The following TG variants were observed in gnomAD, a reference collection of about 807,000 sequenced individuals.
The protein encoded by TG is thyroid hormones.
In TG, 270 loss-of-function variants were observed where a neutral mutation model predicts 324.7. The observed-to-expected ratio is 0.83, with a 90% CI of 0.75 to 0.92. TG has a LOEUF of 0.92. Among genes scored for constraint, TG ranks in the 40% least tolerant of loss-of-function variants. The pLI, the probability that TG is intolerant of heterozygous loss-of-function variation, is 0.00. For missense variants in TG, 3,591 were observed against 3,456.4 expected (o/e 1.04, Z -0.98); for synonymous variants, 1,401 against 1,327.0 (o/e 1.06, Z -1.21).
intron 35 of TG, among the ~76,000 whole-genome samples, chr8:132,986,384 GTATATATGTGTA>G (rs1239032893): frequency 1.9e-5 from 2 of 103,900 alleles, no homozygotes; most frequent in East Asian, 4.1e-4. Flanking sequence ...ATATATGTGT[GTATATATGTGTA>G]TATATATGTA....
chr8:133,115,342 G>A (rs1037280528), intron 44 of TG, among the ~76,000 whole-genome samples: 1 of 152,072 alleles, frequency 6.6e-6, no homozygotes, highest in African/African-American at 2.4e-5. Flanking sequence ...TGTCCCACCC[G>A]AGGCCTGCCA....
At chr8:133,036,095 A>G (rs1837092520) in intron 41 of TG, among the ~76,000 whole-genome samples, 1 of 152,012 alleles carries the variant, frequency 6.6e-6, no homozygotes, top group Non-Finnish European at 1.5e-5. Flanking sequence ...TTGCCCCATT[A>G]TTCCTGCTGA....
In TG at chr8:132,966,693, T is replaced by C; in HGVS notation, c.5682T>C (p.Leu1894=). ...FSAQQANLWC[L]SRCVQEHSFC... ...CCCAGCAGGCAAACCTATGGTGCCTTTCTCGTAAGTATCCTTAGAACTCAT... is the reference window on the plus strand; with the variant it reads ...CCCAGCAGGCAAACCTATGGTGCCTCTCTCGTAAGTATCCTTAGAACTCAT... Residue 1894 remains leucine (L), a synonymous_variant, in exon 30 of 48, where the codon CTT becomes CTC. Transcript: ENST00000220616. The C allele has an allele frequency of 6.2e-7, 1 of 1,614,054 alleles. No homozygotes were observed. The highest frequency in any genetic ancestry group is 2.2e-5 in the East Asian group (1 of 44,884).
At chr8:133,100,662 C>G (rs1324018997) in intron 43 of TG, among the ~76,000 whole-genome samples, 1 of 152,158 alleles carries the variant, frequency 6.6e-6, no homozygotes, top group Non-Finnish European at 1.5e-5. Context: ...TATCCTCTTC[C>G]CATGACGTCA....
At chr8:133,050,046 TG>T (rs1840113196) in intron 41 of TG, 1 of 1,087,664 alleles carries the variant, frequency 9.2e-7, no homozygotes. Context: ...AACCAAAGGA[TG>T]AATGAACAGA....
chr8:133,111,382 C>T (rs1850236189), intron 43 of TG, among the ~76,000 whole-genome samples: 1 of 152,160 alleles, frequency 6.6e-6, no homozygotes, highest in Non-Finnish European at 1.5e-5. Flanking sequence ...TTTGATGCTT[C>T]CTCGAAACAT....
intron 41 of TG, among the ~76,000 whole-genome samples, chr8:133,081,528 G>T (rs1019701744): frequency 6.6e-6 from 1 of 152,080 alleles, no homozygotes; most frequent in Non-Finnish European, 1.5e-5. Context: ...ACCTAAATGT[G>T]TATGTCATCA....
intron 41 of TG, among the ~76,000 whole-genome samples, chr8:133,066,876 G>C (rs1231048983): frequency 6.6e-6 from 1 of 152,192 alleles, no homozygotes; most frequent in African/African-American, 2.4e-5. Flanking sequence ...TGCAGGGGCT[G>C]GGGGGTTGGC....
intron 5 of TG, among the ~76,000 whole-genome samples, chr8:132,878,327 C>T (rs907135578): frequency 6.6e-6 from 1 of 151,940 alleles, no homozygotes. Flanking sequence ...CTATAAAAAG[C>T]ATCTTCAGGT....
intron 43 of TG, among the ~76,000 whole-genome samples, chr8:133,097,938 G>A (rs1381855556): frequency 6.6e-6 from 1 of 152,192 alleles, no homozygotes; most frequent in Non-Finnish European, 1.5e-5. Context: ...AGTTCTCTCT[G>A]AGGGTGTATG....
Position 132,964,638 on chromosome 8 carries a change from A to G in TG, c.5548+1564A>G, listed in dbSNP as rs117429467. 3,461 of 455,846 alleles carry G rather than the reference A, an allele frequency of 7.6e-3. 21 individuals are homozygous for G. The highest frequency in any genetic ancestry group is 0.011 in the Non-Finnish European group (2,809 of 256,048). The allele number at this position is 455,846 out of a possible 1,614,324, so 28.2% of individuals were successfully genotyped here. ...TTTAAGGAGGGCACATAGTTTTAAG[A>G]GAAATAGGAAATGGCTTAATCTAAT... On this transcript the variant is annotated intron_variant, in intron 29 of 47. Transcript: ENST00000220616.
intron 34 of TG, among the ~76,000 whole-genome samples, chr8:132,978,598 T>A (rs1830454288): frequency 6.6e-6 from 1 of 152,150 alleles, no homozygotes; most frequent in Non-Finnish European, 1.5e-5. Flanking sequence ...TTGGGGGTGC[T>A]TCTTCAGAGC....
intron 41 of TG, chr8:133,045,109 T>TA: frequency 6.2e-7 from 1 of 1,614,064 alleles, no homozygotes; most frequent in Non-Finnish European, 8.5e-7. Flanking sequence ...CGACAGTGAG[T>TA]AAAACCCTGC....
intron 43 of TG, among the ~76,000 whole-genome samples, chr8:133,109,424 G>T (rs745794652): frequency 6.6e-6 from 1 of 152,188 alleles, no homozygotes; most frequent in Non-Finnish European, 1.5e-5. Flanking sequence ...AACAGCAGGC[G>T]CAAAGGCTTA....
At chr8:132,934,254 G>A (rs1282644301) in intron 24 of TG, among the ~76,000 whole-genome samples, 1 of 152,122 alleles carries the variant, frequency 6.6e-6, no homozygotes, top group Non-Finnish European at 1.5e-5. Flanking sequence ...AGAATCGCTT[G>A]AACCCGGGAG....
Position 132,866,983 on chromosome 8 carries a change from C to T in TG, c.-18C>T. 6.3e-7 allele frequency: 1 copy of T among 1,578,056 alleles called. No homozygotes were observed. ...AAGCAGTGGTTTCTCCTCCTTCCTC[C>T]CAGGAAGGGCCAGGAAAATGGCCCT... On this transcript the variant is annotated 5_prime_UTR_variant, in exon 1 of 48. Transcript: ENST00000220616.
intron 41 of TG, among the ~76,000 whole-genome samples, chr8:133,086,844 G>A (rs1326214525): frequency 6.6e-6 from 1 of 152,128 alleles, no homozygotes; most frequent in Admixed American, 6.6e-5. Flanking sequence ...AATCAGAGCT[G>A]GGATTTGTAT....
At chr8:133,063,714 G>A (rs1267270795) in intron 41 of TG, 2 of 152,206 alleles carry the variant, frequency 1.3e-5, no homozygotes, top group African/African-American at 4.8e-5. Flanking sequence ...CGTGACAGAA[G>A]GTGCTGTGTC....
At chr8:133,027,952 A>G (rs1424839643) in intron 40 of TG, among the ~76,000 whole-genome samples, 2 of 152,322 alleles carry the variant, frequency 1.3e-5, no homozygotes, top group African/African-American at 4.8e-5. Flanking sequence ...ACTAGGTAGG[A>G]TCTCTCTTGC....
Sources: gnomAD v4.1 joint callset for allele counts (sites outside exome capture counted in the v4.1 genomes callset) on GRCh38, gnomAD v4.1.1 for gene constraint, MANE v1.5 for transcripts, NCBI Gene and HGNC (gene_info 2026-07-23, HGNC 2026-07-21) for gene names.